The following LRRC46 variants were observed in gnomAD, a reference collection of about 807,000 sequenced individuals.
The protein encoded by LRRC46 is leucine rich repeat containing 46.
LRRC46 carries 20 observed loss-of-function variants against 28.0 expected under a neutral mutation model. The ratio of observed to expected loss-of-function variants is 0.71; its 90% confidence interval spans 0.50 to 1.04. The LOEUF is 1.04. LRRC46 is among the 50% of genes least tolerant of loss of function. The pLI, the probability that LRRC46 is intolerant of heterozygous loss-of-function variation, is 0.00. For missense variants in LRRC46, 315 were observed against 390.1 expected (o/e 0.81, Z 1.62); for synonymous variants, 156 against 158.8 (o/e 0.98, Z 0.13).
chr17:47,834,554 T>TC (rs757812027), intron 3 of LRRC46, 21 bp downstream of exon 3: 2 of 1,525,306 alleles, frequency 1.3e-6, no homozygotes, highest in Non-Finnish European at 1.8e-6. Flanking sequence ...TCTCCACCCT[T>TC]CCCCTCCCCT....
chr17:47,831,846 T>C lies in LRRC46; in HGVS notation c.-144T>C. The C allele has an allele frequency of 9.2e-7, 1 of 1,085,622 alleles. No homozygotes were observed. The allele number at this position is 1,085,622 out of a possible 1,614,324, so 67.2% of individuals were successfully genotyped here. On this transcript the variant is annotated 5_prime_UTR_variant, in exon 1 of 8. Transcript: ENST00000269025. ...TCGACCTCACCCCAGCAATTTTCTCTGAATCAACCCCCTTTCCTCCTCTCC... is the reference window on the plus strand; with the variant it reads ...TCGACCTCACCCCAGCAATTTTCTCCGAATCAACCCCCTTTCCTCCTCTCC...
In LRRC46 at chr17:47,836,393, GC is replaced by G; in HGVS notation, c.514del (p.Arg172AlafsTer19). ...LDLDGQPVVE[R>X]WISDEEDEAS... ...ACCTGGACGGGCAGCCTGTGGTGGA[GC>G]GCTGGATTTCGGATGAGGAGGATGA... On this transcript the variant is annotated frameshift_variant, in exon 7 of 8. Transcript: ENST00000269025. LOFTEE classifies it high-confidence loss of function. The surrounding 1 kb of genome is among the most constrained non-coding windows in gnomAD (Gnocchi z 5.8). 1 of 1,614,166 alleles carries G rather than the reference GC, an allele frequency of 6.2e-7. No homozygotes were observed. Among genetic ancestry groups the G allele is most frequent in the Non-Finnish European group, 8.5e-7 (1 of 1,180,028 alleles).
In LRRC46 at chr17:47,836,835, G is replaced by A. The variant is rs2033704503; in HGVS notation, c.681G>A (p.Met227Ile). 1 of 1,613,988 alleles carries A rather than the reference G, an allele frequency of 6.2e-7. No homozygotes were observed. The highest frequency in any genetic ancestry group is 1.3e-5 in the African/African-American group (1 of 75,016). Residue 227 changes from methionine (M) to isoleucine (I), a missense_variant, in exon 8 of 8, where the codon ATG becomes ATA. Transcript: ENST00000269025. The surrounding 1 kb of genome is among the most constrained non-coding windows in gnomAD (Gnocchi z 5.8). ...CCCTGACAGAGCACCTGCTGAGGAT[G>A]GAGATGCAGCCCACCCTCACCGACC... ...QTALTEHLLR[M>I]EMQPTLTDLP... is the part of the protein sequence containing the mutation.
Position 47,832,012 on chromosome 17 carries a change from G to A in LRRC46, c.10+13G>A, listed in dbSNP as rs766893799. The A allele has an allele frequency of 6.2e-7, 1 of 1,613,872 alleles. No homozygotes were observed. The highest frequency in any genetic ancestry group is 8.5e-7 in the Non-Finnish European group (1 of 1,179,994). On this transcript the variant is annotated intron_variant, in intron 1 of 7. Transcript: ENST00000269025. ...ATCATGTCTGGAGGTGAGTAGGGAGGTGGGACGGTGGGTAGAGCAGTTGGA... is the reference window on the plus strand; with the variant it reads ...ATCATGTCTGGAGGTGAGTAGGGAGATGGGACGGTGGGTAGAGCAGTTGGA...
chr17:47,835,485 C>A, intron 4 of LRRC46, 86 bp downstream of exon 4: 1 of 1,538,118 alleles, frequency 6.5e-7, no homozygotes, highest in Non-Finnish European at 9.0e-7. Context: ...TTTCTCCAAG[C>A]CTGGGTCCTT....
Position 47,832,203 on chromosome 17 carries a change from G to T in LRRC46, c.114G>T (p.Lys38Asn). 6.3e-7 allele frequency: 1 copy of T among 1,586,110 alleles called. No homozygotes were observed. The highest frequency in any genetic ancestry group is 8.6e-7 in the Non-Finnish European group (1 of 1,164,156). ...TFPEDGELSEKMFHTLDELQT... is the reference protein window; with the variant it reads ...TFPEDGELSENMFHTLDELQT... Reference sequence around the variant, plus strand: ...CTGAAGATGGGGAACTGTCAGAGAAGATGTGAGTGCATGGGGGAGAAAAGG... The same window carrying T: ...CTGAAGATGGGGAACTGTCAGAGAATATGTGAGTGCATGGGGGAGAAAAGG... Residue 38 changes from lysine to asparagine, a missense_variant and splice_region_variant, in exon 2 of 8, where the codon AAG (lysine) becomes AAT (asparagine). Coordinates refer to ENST00000269025, the MANE Select transcript of LRRC46 (RefSeq NM_033413.4).
rs1405188535 is a variant in LRRC46 at position 47,835,854 on chromosome 17, C to T, written c.382+79C>T. On this transcript the variant is annotated intron_variant, in intron 5 of 7. Transcript: ENST00000269025. ...TCCCCTCTGCACCCATCTGCCCATGCTTCTATTAGCCATGCCCCTGCAGGT... is the reference window on the plus strand; with the variant it reads ...TCCCCTCTGCACCCATCTGCCCATGTTTCTATTAGCCATGCCCCTGCAGGT... 1.7e-5 allele frequency: 23 copies of T among 1,385,318 alleles called. No homozygotes were observed. In the East Asian group the frequency reaches 4.6e-4, roughly 28 times the overall value. The allele number at this position is 1,385,318 out of a possible 1,614,324, so 85.8% of individuals were successfully genotyped here.
chr17:47,831,832 C>A lies in LRRC46; in HGVS notation c.-158C>A. ...ATTTACTGTTTTCTTCGACCTCACC[C>A]CAGCAATTTTCTCTGAATCAACCCC... On this transcript the variant is annotated 5_prime_UTR_variant, in exon 1 of 8. Coordinates refer to ENST00000269025, the MANE Select transcript of LRRC46 (RefSeq NM_033413.4). The A allele has an allele frequency of 1.1e-6, 1 of 928,984 alleles. No homozygotes were observed. 57.5% of individuals were successfully genotyped at this position (928,984 alleles called of 1,614,324 possible). A position where few individuals can be genotyped will look rare whatever the true frequency, so the allele number is the denominator to read the frequency against.
chr17:47,831,859 T>C lies in LRRC46; in HGVS notation c.-131T>C, dbSNP rs2033637568. The stretch of plus-strand genomic sequence containing the variant: ...AGCAATTTTCTCTGAATCAACCCCC[T>C]TTCCTCCTCTCCTAAGTCTCTGAGT... On this transcript the variant is annotated 5_prime_UTR_variant, in exon 1 of 8. Coordinates refer to ENST00000269025, the MANE Select transcript of LRRC46 (RefSeq NM_033413.4). 8.2e-7 allele frequency: 1 copy of C among 1,221,432 alleles called. No homozygotes were observed. The highest frequency in any genetic ancestry group is 1.2e-6 in the Non-Finnish European group (1 of 851,156). 75.7% of individuals were successfully genotyped at this position (1,221,432 alleles called of 1,614,324 possible).
chr17:47,832,943 C>T (rs1349216373), intron 2 of LRRC46, among the ~76,000 whole-genome samples: 1 of 152,180 alleles, frequency 6.6e-6, no homozygotes, highest in African/African-American at 2.4e-5. Context: ...TACAATTTCC[C>T]ACACTGTGTA....
chr17:47,833,970 C>T (rs964400455), intron 2 of LRRC46: 1 of 985,900 alleles, frequency 1.0e-6, no homozygotes, highest in African/African-American at 1.7e-5. Context: ...CTCTAGTAGG[C>T]ACTCAGCAAT....
In LRRC46 at chr17:47,832,083, G is replaced by C; in HGVS notation, c.11-17G>C. 6.2e-7 allele frequency: 1 copy of C among 1,612,936 alleles called. No homozygotes were observed. The highest frequency in any genetic ancestry group is 8.5e-7 in the Non-Finnish European group (1 of 1,179,332). ...CAAGAGTGAGGAAGTGTCACAGTTG[G>C]ACTCATCTTTTCACAGGGAAGTCAG... On this transcript the variant is annotated splice_polypyrimidine_tract_variant and intron_variant, in intron 1 of 7. Coordinates refer to ENST00000269025, the MANE Select transcript of LRRC46 (RefSeq NM_033413.4).
At chr17:47,834,620 C>T in intron 3 of LRRC46, 87 bp downstream of exon 3, 1 of 814,500 alleles carries the variant, frequency 1.2e-6, no homozygotes, top group East Asian at 2.5e-5. Context: ...GGTCATCCTG[C>T]CCATTCCCTG....
At position 47,837,368 on chromosome 17, in the gene LRRC46, G is replaced by A; in HGVS notation, c.*248G>A. 1.9e-6 allele frequency: 1 copy of A among 529,366 alleles called. No homozygotes were observed. Among genetic ancestry groups the A allele is most frequent in the Non-Finnish European group, 3.2e-6 (1 of 313,852 alleles). 32.8% of individuals were successfully genotyped at this position (529,366 alleles called of 1,614,324 possible). A position where few individuals can be genotyped will look rare whatever the true frequency, so the allele number is the denominator to read the frequency against. ...CTTTCGGGAGCTACCCACAGGGCAG[G>A]CATGCCTCAGGCCCCCGCTGGCTTC... On this transcript the variant is annotated 3_prime_UTR_variant, in exon 8 of 8. Transcript: ENST00000269025.
chr17:47,835,434 G>C (rs1226583399), intron 4 of LRRC46, 35 bp downstream of exon 4: 1 of 1,611,970 alleles, frequency 6.2e-7, no homozygotes, highest in Admixed American at 1.7e-5. Context: ...GGGGAAGAGG[G>C]GTTGGGGGAA....
At position 47,835,793 on chromosome 17, in the gene LRRC46, C is replaced by A. The variant is rs1272518103; in HGVS notation, c.382+18C>A. On this transcript the variant is annotated intron_variant, in intron 5 of 7. Transcript: ENST00000269025. ...GAAGCTGGGTAGGAACCCACTCGCC[C>A]TGGCTCACCAAACACATCCCCTGTG... The A allele has an allele frequency of 6.2e-7, 1 of 1,604,154 alleles. No individual in the cohort carries two copies. Among genetic ancestry groups the A allele is most frequent in the South Asian group, 1.1e-5 (1 of 90,892 alleles).
In LRRC46 at chr17:47,837,191, G is replaced by A. The variant is rs779711959; in HGVS notation, c.*71G>A. The A allele has an allele frequency of 8.0e-5, 125 of 1,562,490 alleles. No individual in the cohort carries two copies. Among genetic ancestry groups the A allele is most frequent in the Non-Finnish European group, 9.7e-5 (113 of 1,162,556 alleles). ...CCCTCTTCTCAGACCTCTGACCTGT[G>A]ACAGAAGCCCATCCCCAGTAAAGTG... On this transcript the variant is annotated 3_prime_UTR_variant, in exon 8 of 8. Coordinates refer to ENST00000269025, the MANE Select transcript of LRRC46 (RefSeq NM_033413.4).
Position 47,836,625 on chromosome 17 carries a change from C to T in LRRC46, c.596-125C>T. 3.3e-6 allele frequency: 5 copies of T among 1,494,144 alleles called. No individual in the cohort carries two copies. The highest frequency in any genetic ancestry group is 4.5e-6 in the Non-Finnish European group (5 of 1,115,306). The allele number at this position is 1,494,144 out of a possible 1,614,324, so 92.6% of individuals were successfully genotyped here. On this transcript the variant is annotated intron_variant, in intron 7 of 7. Coordinates refer to ENST00000269025, the MANE Select transcript of LRRC46 (RefSeq NM_033413.4). This position sits in a 1 kb window ranked among gnomAD's most constrained non-coding sequence, Gnocchi z 5.8. The stretch of plus-strand genomic sequence containing the variant: ...CCAGAGCCAGGTGTCAGTCCTGGGC[C>T]CCAGCCTCAGGCTCCTTCCCACAAG...
intron 2 of LRRC46, chr17:47,834,057 G>A (rs2033666443): frequency 1.0e-6 from 1 of 1,000,658 alleles, no homozygotes; most frequent in Non-Finnish European, 1.2e-6. Flanking sequence ...GGTGAGGAAG[G>A]ATCTTTCTGC....
Sources: gnomAD v4.1 joint callset for allele counts (sites outside exome capture counted in the v4.1 genomes callset) on GRCh38, gnomAD v4.1.1 for gene constraint, Gnocchi (gnomAD v3.1) non-coding constraint, MANE v1.5 for transcripts, NCBI Gene and HGNC (gene_info 2026-07-23, HGNC 2026-07-21) for gene names.